SLC4A4: variants seen among roughly 807,000 people sequenced by gnomAD.
The protein encoded by SLC4A4 is electrogenic sodium bicarbonate cotransporter 1.
A neutral mutation model predicts 111.5 loss-of-function variants in SLC4A4; 27 were observed. That is an observed-to-expected ratio of 0.24 (90% CI 0.18 to 0.33). SLC4A4 has a LOEUF of 0.33. Among genes scored for constraint, SLC4A4 ranks in the 10% least tolerant of loss-of-function variants. The pLI is 1.00. For synonymous variants in SLC4A4, 443 were observed against 463.4 expected, an observed-to-expected ratio of 0.96 and a Z score of 0.57; for missense variants, 909 against 1,315.5, an observed-to-expected ratio of 0.69 and a Z score of 4.78.
chr4:71,254,072 A>G (rs1253617566), intron 2 of SLC4A4, among the ~76,000 whole-genome samples: 1 of 152,156 alleles, frequency 6.6e-6, no homozygotes, highest in Non-Finnish European at 1.5e-5. Context: ...TACTGTATGT[A>G]CATGTATTTG....
intron 3 of SLC4A4, among the ~76,000 whole-genome samples, chr4:71,316,026 G>A (rs1355880476): frequency 6.6e-6 from 1 of 152,104 alleles, no homozygotes; most frequent in East Asian, 1.9e-4. Flanking sequence ...TTTAAATCAT[G>A]AACTGCTTTA....
At chr4:71,277,626 CCT>C (rs34591497) in intron 3 of SLC4A4, among the ~76,000 whole-genome samples, 3,099 of 145,638 alleles carry the variant, frequency 0.021, 61 homozygotes, top group Non-Finnish European at 0.033. Context: ...TTCCTTCCTT[CCT>C]CTCTCTCTCA....
chr4:71,555,331 A>G (rs956784783), intron 21 of SLC4A4, 123 bp downstream of exon 21: 4 of 771,704 alleles, frequency 5.2e-6, no homozygotes, highest in Non-Finnish European at 9.4e-6. Flanking sequence ...AAATGCATTT[A>G]TTTTCTACTT....
intron 6 of SLC4A4, among the ~76,000 whole-genome samples, chr4:71,391,936 C>T (rs944816918): frequency 1.3e-5 from 2 of 151,986 alleles, no homozygotes; most frequent in African/African-American, 4.8e-5. Context: ...TCTCTAGCAT[C>T]CTTACTTGCT....
chr4:71,513,940 T>A (rs1732150206), intron 16 of SLC4A4, among the ~76,000 whole-genome samples: 1 of 152,238 alleles, frequency 6.6e-6, no homozygotes, highest in Non-Finnish European at 1.5e-5. Context: ...TTTATTGATT[T>A]GCATTTATTG....
intron 3 of SLC4A4, among the ~76,000 whole-genome samples, chr4:71,297,277 T>G (rs924158801): frequency 2.6e-5 from 4 of 152,218 alleles, no homozygotes; most frequent in Non-Finnish European, 5.9e-5. Context: ...GATCATGGTA[T>G]GAGTTTGCGT....
At chr4:71,423,524 C>A (rs1277907038) in intron 7 of SLC4A4, among the ~76,000 whole-genome samples, 1 of 152,126 alleles carries the variant, frequency 6.6e-6, no homozygotes, top group African/African-American at 2.4e-5. Flanking sequence ...AAAGAGCCCG[C>A]ATCGCCAAGT....
rs114292354 is a variant in SLC4A4, at chr4:71,492,791, C to T, written c.1975-4710C>T. 3.6e-3 allele frequency among the ~76,000 whole-genome samples: 547 copies of T among 152,006 alleles called. 3 individuals are homozygous for T. Among genetic ancestry groups the T allele is most frequent in the African/African-American group, 0.013 (529 of 41,522 alleles). On this transcript the variant is annotated intron_variant, in intron 15 of 25. Transcript: ENST00000264485. ...TCTTACTCCTGCTGCCCTTTGAATA[C>T]GAGAGTTCTGCAAAAACCAGTCCCT...
intron 2 of SLC4A4, among the ~76,000 whole-genome samples, chr4:71,101,899 C>T (rs565328830): frequency 0.021 from 3,250 of 151,996 alleles, 129 homozygotes; most frequent in African/African-American, 0.075. Context: ...TCCTCACCAG[C>T]AATGGAACAA....
intron 2 of SLC4A4, among the ~76,000 whole-genome samples, chr4:71,153,033 G>GTATATATATATA (rs35271982): frequency 1.9e-4 from 25 of 132,726 alleles, no homozygotes; most frequent in African/African-American, 4.9e-4. Context: ...ATATGTGTGT[G>GTATATATATATA]TATATATATA....
intron 2 of SLC4A4, among the ~76,000 whole-genome samples, chr4:71,145,520 C>A (rs896797479): frequency 1.3e-5 from 2 of 152,022 alleles, no homozygotes; most frequent in Non-Finnish European, 2.9e-5. Flanking sequence ...TCAGAAGGAA[C>A]GGTACCAGCT....
intron 2 of SLC4A4, among the ~76,000 whole-genome samples, chr4:71,123,734 AAG>A (rs1743492261): frequency 6.6e-6 from 1 of 152,202 alleles, no homozygotes; most frequent in Non-Finnish European, 1.5e-5. Context: ...TGTGAACAAG[AAG>A]AATGATCTAG....
At position 71,339,523 on chromosome 4, in the gene SLC4A4, G is replaced by GTA; in HGVS notation, c.389+20_389+21dup. On this transcript the variant is annotated intron_variant, in intron 4 of 25. Transcript: ENST00000264485. ...ACAGCCAGGTGAGGCATAGCTGACT[G>GTA]TATGTAGTACTGACCCAGGGAAACA... The GTA allele has an allele frequency of 6.2e-7, 1 of 1,611,246 alleles. No individual in the cohort carries two copies. The highest frequency in any genetic ancestry group is 8.5e-7 in the Non-Finnish European group (1 of 1,178,918).
intron 6 of SLC4A4, among the ~76,000 whole-genome samples, chr4:71,360,882 C>T (rs1408630322): frequency 6.6e-6 from 1 of 152,076 alleles, no homozygotes; most frequent in Non-Finnish European, 1.5e-5. Context: ...AAAAATTAGG[C>T]TTGCACACAA....
At chr4:71,196,178 A>G (rs1035354299) in intron 1 of SLC4A4, among the ~76,000 whole-genome samples, 1 of 152,214 alleles carries the variant, frequency 6.6e-6, no homozygotes, top group Non-Finnish European at 1.5e-5. Flanking sequence ...CTCTGTCCTT[A>G]GGAATGTGAG....
Position 71,534,268 on chromosome 4 carries a change from A to G in SLC4A4, c.2322A>G (p.Gly774=), listed in dbSNP as rs749654265. 1.9e-6 allele frequency: 3 copies of G among 1,613,620 alleles called. No individual in the cohort carries two copies. Among genetic ancestry groups the G allele is most frequent in the Non-Finnish European group, 2.5e-6 (3 of 1,179,804 alleles). Residue 774 remains glycine (G), a synonymous_variant, in exon 18 of 26, where the codon GGA becomes GGG. Transcript: ENST00000264485. ...GAGGTTGGTTCGTTCCACCGTTTGG[A>G]GAAAACCCCTGGTGGGTGTGCCTTG... ...PNRGWFVPPF[G]ENPWWVCLAA... is the part of the protein sequence containing the mutation.
chr4:71,199,184 C>T (rs370743060), intron 1 of SLC4A4, among the ~76,000 whole-genome samples: 2 of 152,154 alleles, frequency 1.3e-5, no homozygotes, highest in Non-Finnish European at 2.9e-5. Flanking sequence ...GGTCTGACCG[C>T]ACATGACAGT....
intron 3 of SLC4A4, among the ~76,000 whole-genome samples, chr4:71,305,742 C>T (rs756234017): frequency 1.3e-5 from 2 of 152,106 alleles, no homozygotes; most frequent in African/African-American, 4.8e-5. Flanking sequence ...GCACACTGTA[C>T]GAGGAATCTA....
intron 1 of SLC4A4, among the ~76,000 whole-genome samples, chr4:71,209,896 T>G (rs1718027791): frequency 6.6e-6 from 1 of 152,212 alleles, no homozygotes; most frequent in African/African-American, 2.4e-5. Flanking sequence ...TTATTTTTAT[T>G]TGGTTGTATG....
Sources: gnomAD v4.1 joint callset for allele counts (sites outside exome capture counted in the v4.1 genomes callset) on GRCh38, gnomAD v4.1.1 for gene constraint, MANE v1.5 for transcripts, NCBI Gene and HGNC (gene_info 2026-07-23, HGNC 2026-07-21) for gene names.